TMEM232: variants seen among roughly 807,000 people sequenced by gnomAD.
The protein encoded by TMEM232 is transmembrane protein 232.
TMEM232 carries 80 observed loss-of-function variants against 78.8 expected under a neutral mutation model. The observed-to-expected ratio is 1.01, with a 90% CI of 0.85 to 1.22. TMEM232 has a LOEUF of 1.22. Ranked by LOEUF, TMEM232 falls within the 50% of genes most tolerant of loss-of-function variation. The pLI, the probability that TMEM232 is intolerant of heterozygous loss-of-function variation, is 0.00. For synonymous variants in TMEM232, 297 were observed against 254.3 expected, an observed-to-expected ratio of 1.17 and a Z score of -1.60; for missense variants, 881 against 742.2, an observed-to-expected ratio of 1.19 and a Z score of -2.17.
intron 8 of TMEM232, among the ~76,000 whole-genome samples, chr5:110,616,767 C>G (rs1280946112): frequency 6.6e-6 from 1 of 152,062 alleles, no homozygotes; most frequent in Non-Finnish European, 1.5e-5. Context: ...TCACCTCACA[C>G]CTGTTAGAAT....
intron 8 of TMEM232, among the ~76,000 whole-genome samples, chr5:110,613,227 C>A (rs1208004305): frequency 6.6e-6 from 1 of 152,090 alleles, no homozygotes; most frequent in Non-Finnish European, 1.5e-5. Context: ...TCAGCTGAAA[C>A]CATTTGCTTC....
At chr5:110,503,711 A>G (rs1471643302) in intron 12 of TMEM232, among the ~76,000 whole-genome samples, 2 of 152,186 alleles carry the variant, frequency 1.3e-5, no homozygotes, top group African/African-American at 2.4e-5. Context: ...TTTGTTTTCC[A>G]TAAGCCCATT....
At position 110,625,429 on chromosome 5, in the gene TMEM232, A is replaced by T; in HGVS notation, c.606T>A (p.Leu202=). 1 of 1,518,330 alleles carries T rather than the reference A, an allele frequency of 6.6e-7. No homozygotes were observed. Among genetic ancestry groups the T allele is most frequent in the Non-Finnish European group, 8.8e-7 (1 of 1,130,976 alleles). 94.1% of individuals were successfully genotyped at this position (1,518,330 alleles called of 1,614,324 possible). The change falls in exon 7 of 14, where the codon CTT becomes CTA. Residue 202 remains leucine (L), a synonymous_variant. Coordinates refer to ENST00000455884, the MANE Select transcript of TMEM232 (RefSeq NM_001039763.4). ...TGTGATATGATGCTCCAGAGAAAGA[A>T]AGTGCTATTGTAAGAAAAATCATCT... is the stretch of plus-strand genomic sequence containing the variant. ...LLRLQPYLYA[L]SFSGASYHKY...
Position 110,694,576 on chromosome 5 carries a change from T to C in TMEM232, c.-12-27212A>G, listed in dbSNP as rs906737717. Among the ~76,000 whole-genome samples the C allele has an allele frequency of 3.9e-5, 6 of 152,064 alleles. No homozygotes were observed. The South Asian group carries it at 1.0e-3, about 26-fold the overall frequency. On this transcript the variant is annotated intron_variant, in intron 1 of 13. Coordinates refer to ENST00000455884, the MANE Select transcript of TMEM232 (RefSeq NM_001039763.4). ...AGGAAACCCATCTCACGTGCAGAGA[T>C]ACACATAGGCTCAAAATAAAGGGAT...
At chr5:110,501,500 C>G (rs867810543) in intron 12 of TMEM232, among the ~76,000 whole-genome samples, 1 of 152,024 alleles carries the variant, frequency 6.6e-6, no homozygotes, top group East Asian at 1.9e-4. Flanking sequence ...TACAAAGTTA[C>G]AGGATAACTT....
rs374181283 is a variant in TMEM232 at position 110,735,778 on chromosome 5, T to C, written c.-125-763A>G. Among the ~76,000 whole-genome samples, 24 of 152,322 alleles carry C rather than the reference T, an allele frequency of 1.6e-4. 2 individuals carry two copies. Among genetic ancestry groups the C allele is most frequent in the East Asian group, 1.3e-3 (7 of 5,190 alleles). On this transcript the variant is annotated intron_variant, in intron 1 of 4. Coordinates refer to the TMEM232 transcript ENST00000512886. ...AGGACATTCAAGATGTTCTATGAACTTCATGTGGCAAGGAATTGAAACCTC... is the reference window on the plus strand; with the variant it reads ...AGGACATTCAAGATGTTCTATGAACCTCATGTGGCAAGGAATTGAAACCTC...
chr5:110,497,099 T>A (rs1456321503), intron 12 of TMEM232, among the ~76,000 whole-genome samples: 1 of 151,850 alleles, frequency 6.6e-6, no homozygotes, highest in East Asian at 1.9e-4. Flanking sequence ...ATCTATGGTC[T>A]CCTCCAAATC....
chr5:110,512,159 T>A (rs1767858768), intron 12 of TMEM232, among the ~76,000 whole-genome samples: 1 of 152,234 alleles, frequency 6.6e-6, no homozygotes, highest in Non-Finnish European at 1.5e-5. Flanking sequence ...TTAATTAACA[T>A]CTATCTCCAA....
intron 7 of TMEM232, among the ~76,000 whole-genome samples, chr5:110,624,513 C>T (rs144541129): frequency 2.2e-4 from 34 of 152,078 alleles, no homozygotes; most frequent in Middle Eastern, 3.4e-3. Flanking sequence ...TTCTGTTGCT[C>T]GATATCTTTC....
chr5:110,724,906 A>G (rs145643071), intron 1 of TMEM232, among the ~76,000 whole-genome samples: 50 of 152,216 alleles, frequency 3.3e-4, no homozygotes, highest in African/African-American at 1.2e-3. Context: ...AGTAATCCTA[A>G]AGTCGATATA....
At chr5:110,561,369 C>G (rs1480233323) in intron 11 of TMEM232, among the ~76,000 whole-genome samples, 1 of 151,338 alleles carries the variant, frequency 6.6e-6, no homozygotes, top group African/African-American at 2.4e-5. Flanking sequence ...AAATCAAGAC[C>G]ATAATGTGTG....
chr5:110,420,718 T>C lies in TMEM232; in HGVS notation c.1836A>G (p.Ala612=). The change falls in exon 14 of 14, where the codon GCA becomes GCG. Residue 612 remains alanine (A), a synonymous_variant. Coordinates refer to ENST00000455884, the MANE Select transcript of TMEM232 (RefSeq NM_001039763.4). ...EELKIREKED[A]ICKAQELKDK... ...CTTTAAGTTCTTGGGCCTTGCATAT[T>C]GCATCTTCTTTTTCTCGGATCTTTA... The C allele has an allele frequency of 6.6e-7, 1 of 1,525,682 alleles. No homozygotes were observed. Among genetic ancestry groups the C allele is most frequent in the Non-Finnish European group, 8.7e-7 (1 of 1,143,974 alleles). 94.5% of individuals were successfully genotyped at this position (1,525,682 alleles called of 1,614,324 possible). A position where few individuals can be genotyped will look rare whatever the true frequency, so the allele number is the denominator to read the frequency against.
At chr5:110,501,141 T>C (rs1269166344) in intron 12 of TMEM232, among the ~76,000 whole-genome samples, 8 of 152,166 alleles carry the variant, frequency 5.3e-5, no homozygotes, top group African/African-American at 1.9e-4. Flanking sequence ...CAAAAATGGG[T>C]GTAACAAGTG....
intron 7 of TMEM232, 54 bp downstream of exon 7, chr5:110,625,213 A>G (rs1448418391): frequency 5.2e-5 from 74 of 1,412,052 alleles, no homozygotes; most frequent in Non-Finnish European, 6.5e-5. Flanking sequence ...AATCATAGTA[A>G]TGATATCTGA....
chr5:110,612,520 A>T (rs1287505489), intron 8 of TMEM232, among the ~76,000 whole-genome samples: 1 of 152,152 alleles, frequency 6.6e-6, no homozygotes, highest in African/African-American at 2.4e-5. Context: ...TGGACATCAT[A>T]ATTAGTAGGA....
chr5:110,418,562 TATAA>T (rs1452015412), downstream of TMEM232, among the ~76,000 whole-genome samples: 1 of 152,136 alleles, frequency 6.6e-6, no homozygotes, highest in Non-Finnish European at 1.5e-5. Context: ...TATATCTATA[TATAA>T]ATATTTTTTT....
Position 110,625,423 on chromosome 5 carries a change from GA to G in TMEM232, c.611del (p.Phe204SerfsTer20). On this transcript the variant is annotated frameshift_variant, in exon 7 of 14. Coordinates refer to ENST00000455884, the MANE Select transcript of TMEM232 (RefSeq NM_001039763.4). LOFTEE classifies it high-confidence loss of function. ...RLQPYLYALS[F>X]SGASYHKYPN... is the part of the protein sequence containing the mutation. ...GATACTTGTGATATGATGCTCCAGA[GA>G]AAGAAAGTGCTATTGTAAGAAAAAT... 6.6e-7 allele frequency: 1 copy of G among 1,520,360 alleles called. No individual in the cohort carries two copies. Among genetic ancestry groups the G allele is most frequent in the Non-Finnish European group, 8.8e-7 (1 of 1,132,022 alleles). The allele number at this position is 1,520,360 out of a possible 1,614,324, so 94.2% of individuals were successfully genotyped here. A position where few individuals can be genotyped will look rare whatever the true frequency, so the allele number is the denominator to read the frequency against.
intron 5 of TMEM232, among the ~76,000 whole-genome samples, chr5:110,630,779 C>A (rs570306746): frequency 6.6e-6 from 1 of 152,026 alleles, no homozygotes; most frequent in African/African-American, 2.4e-5. Flanking sequence ...GAAGCAAAAT[C>A]GGCTGGGAAC....
At chr5:110,601,615 A>G (rs1416350795) in intron 10 of TMEM232, among the ~76,000 whole-genome samples, 4 of 152,216 alleles carry the variant, frequency 2.6e-5, no homozygotes, top group African/African-American at 7.2e-5. Flanking sequence ...TTCAAGGAGA[A>G]CTACAAACCA....
Sources: allele counts gnomAD v4.1 joint callset (sites outside exome capture counted in the v4.1 genomes callset), GRCh38; gene constraint gnomAD v4.1.1; transcripts MANE v1.5; gene names NCBI Gene and HGNC (gene_info 2026-07-23, HGNC 2026-07-21).